Variants in MGAT4D observed in about 807,000 individuals in gnomAD.
MGAT4D encodes the protein MGAT4 family member D, also known as alpha-1,3-mannosyl-glycoprotein 4-beta-N-acetylglucosaminyltransferase-like protein MGAT4D.
Under a neutral mutation model 15.9 loss-of-function variants are expected in MGAT4D, and 34 were observed. That is an observed-to-expected ratio of 2.14 (90% CI 1.62 to 2.84). The LOEUF is 2.84. MGAT4D is among the 30% of genes most tolerant of loss of function. The pLI is 0.00. For synonymous variants in MGAT4D, 112 were observed against 48.2 expected (o/e 2.33, Z -5.49); for missense variants, 327 against 140.2 (o/e 2.33, Z -6.73).
At chr4:140,488,699 A>T (rs558812368) in intron 1 of MGAT4D, among the ~76,000 whole-genome samples, 14 of 152,344 alleles carry the variant, frequency 9.2e-5, no homozygotes, top group African/African-American at 3.4e-4. Context: ...TATGTGATAT[A>T]GTTTGAATAT....
rs1424157872 is a variant in MGAT4D at position 140,465,010 on chromosome 4, C to G, written c.573-1G>C. 2 of 699,748 alleles carry G rather than the reference C, an allele frequency of 2.9e-6. No homozygotes were observed. Among genetic ancestry groups the G allele is most frequent in the South Asian group, 1.5e-5 (1 of 66,784 alleles). 43.3% of individuals were successfully genotyped at this position (699,748 alleles called of 1,614,324 possible). A position where few individuals can be genotyped will look rare whatever the true frequency, so the allele number is the denominator to read the frequency against. ...TCCAGACCTCACTTGCCTTTTGAAT[C>G]TATAAATAGAAGTAAATGCAGACTT... On this transcript the variant is annotated splice_acceptor_variant, in intron 5 of 10. Transcript: ENST00000511113. LOFTEE classifies it high-confidence loss of function.
At chr4:140,475,660 C>CAAAA (rs1162390812) in intron 3 of MGAT4D, among the ~76,000 whole-genome samples, 8,796 of 52,430 alleles carry the variant, frequency 0.17, 385 homozygotes, top group East Asian at 0.17. Flanking sequence ...AATAAAACTG[C>CAAAA]AAAAAAAAAA....
Position 140,482,410 on chromosome 4 carries a change from T to A in MGAT4D, c.170A>T (p.Glu57Val), listed in dbSNP as rs769536684. The change falls in exon 2 of 11, where the codon GAA (glutamate) becomes GTA (valine). Residue 57 changes from glutamate (E) to valine (V), a missense_variant. Glu to Val is a moderately radical substitution (Grantham distance 121). Transcript: ENST00000511113. Reference sequence around the variant, plus strand: ...TTTCATCATCTCTTGGGTATTTTTTTCAGTTTTGTTTCTTAAGTGTAGCAT... The same window carrying A: ...TTTCATCATCTCTTGGGTATTTTTTACAGTTTTGTTTCTTAAGTGTAGCAT... ...ENMLHLRNKT[E>V]KNTQEMMKVL... 5.6e-4 allele frequency: 369 copies of A among 653,766 alleles called. 1 individual carries two copies. The highest frequency in any genetic ancestry group is 8.9e-4 in the Non-Finnish European group (328 of 366,814). The allele number at this position is 653,766 out of a possible 1,614,324, so 40.5% of individuals were successfully genotyped here.
intron 8 of MGAT4D, chr4:140,459,232 A>G (rs1280693725): frequency 5.7e-6 from 1 of 173,958 alleles, no homozygotes; most frequent in African/African-American, 2.3e-5. Flanking sequence ...TGTGTGCCAG[A>G]CTCACAGCAA....
intron 2 of MGAT4D, among the ~76,000 whole-genome samples, chr4:140,480,267 A>G (rs1411123607): frequency 1.3e-5 from 2 of 152,170 alleles, no homozygotes; most frequent in African/African-American, 4.8e-5. Context: ...AGGTGTTTGA[A>G]CACTTGGACA....
chr4:140,482,175 C>A (rs566850966), intron 2 of MGAT4D, among the ~76,000 whole-genome samples, 152 bp downstream of exon 2: 1 of 152,142 alleles, frequency 6.6e-6, no homozygotes, highest in South Asian at 2.1e-4. Flanking sequence ...AGAAGTAGGT[C>A]AGTGATATCT....
At chr4:140,493,872 T>C (rs1733665325) in intron 1 of MGAT4D, among the ~76,000 whole-genome samples, 1 of 152,146 alleles carries the variant, frequency 6.6e-6, no homozygotes, top group Admixed American at 6.5e-5. Context: ...CTCCTTTTGG[T>C]GATTCTTCCA....
chr4:140,481,346 TA>T (rs1560793192), intron 2 of MGAT4D, among the ~76,000 whole-genome samples: 1 of 152,122 alleles, frequency 6.6e-6, no homozygotes, highest in African/African-American at 2.4e-5. Context: ...TAAACTCTCA[TA>T]CATTGCTGGA....
In MGAT4D at chr4:140,498,250, C is replaced by T. The variant is rs1359992674; in HGVS notation, c.-28G>A. 2.9e-6 allele frequency: 2 copies of T among 701,224 alleles called. No homozygotes were observed. The highest frequency in any genetic ancestry group is 5.2e-6 in the Non-Finnish European group (2 of 384,050). 43.4% of individuals were successfully genotyped at this position (701,224 alleles called of 1,614,324 possible). A position where few individuals can be genotyped will look rare whatever the true frequency, so the allele number is the denominator to read the frequency against. On this transcript the variant is annotated 5_prime_UTR_variant, in exon 1 of 11. Transcript: ENST00000511113. ...CCCTGGCCAGGCTGCGGGAGGCCGG[C>T]GGGTGGAGGCGGCGGATAATGCCAG...
chr4:140,474,701 T>A lies in MGAT4D; in HGVS notation c.525+112A>T, dbSNP rs758559139. The A allele has an allele frequency of 1.2e-4, 52 of 427,244 alleles. No individual in the cohort carries two copies. The Admixed American group carries it at 1.6e-3, about 13-fold the overall frequency. The allele number at this position is 427,244 out of a possible 1,614,324, so 26.5% of individuals were successfully genotyped here. A position where few individuals can be genotyped will look rare whatever the true frequency, so the allele number is the denominator to read the frequency against. Reference sequence around the variant, plus strand: ...AAAAAAGGCATCTATGGGTAGCTTTTTAAAATTAAGAAAACAGTTTTCAAC... The same window carrying A: ...AAAAAAGGCATCTATGGGTAGCTTTATAAAATTAAGAAAACAGTTTTCAAC... On this transcript the variant is annotated intron_variant, in intron 4 of 10. Coordinates refer to ENST00000511113, the MANE Select transcript of MGAT4D (RefSeq NM_001277353.2).
chr4:140,453,744 T>G (rs989756167), intron 9 of MGAT4D, among the ~76,000 whole-genome samples: 1 of 152,106 alleles, frequency 6.6e-6, no homozygotes, highest in African/African-American at 2.4e-5. Context: ...TGCTGCCATG[T>G]AAGATGTCCC....
intron 5 of MGAT4D, among the ~76,000 whole-genome samples, chr4:140,466,693 G>C (rs1009028654): frequency 2.0e-5 from 3 of 152,078 alleles, no homozygotes; most frequent in African/African-American, 4.8e-5. Flanking sequence ...TGGAACAATT[G>C]TGATTTTTTT....
intron 1 of MGAT4D, among the ~76,000 whole-genome samples, chr4:140,493,248 C>T (rs754135272): frequency 9.9e-5 from 15 of 151,166 alleles, no homozygotes; most frequent in Non-Finnish European, 2.2e-4. Context: ...GATGATACTA[C>T]GGTACTCTCC....
chr4:140,467,767 C>A (rs1215944458), intron 5 of MGAT4D, among the ~76,000 whole-genome samples: 1 of 151,878 alleles, frequency 6.6e-6, no homozygotes, highest in African/African-American at 2.4e-5. Flanking sequence ...ATGATTTTAC[C>A]TTATAGTCAT....
chr4:140,494,465 T>C (rs1733707459), intron 1 of MGAT4D, among the ~76,000 whole-genome samples: 1 of 152,230 alleles, frequency 6.6e-6, no homozygotes, highest in Non-Finnish European at 1.5e-5. Context: ...ACTCCTTTTG[T>C]TCACTCCCTA....
rs937332057 is a variant in MGAT4D, at chr4:140,442,774, T to C, written c.*662A>G. 9 of 152,038 alleles carry C rather than the reference T, an allele frequency of 5.9e-5. No homozygotes were observed. Among genetic ancestry groups the C allele is most frequent in the Admixed American group, 2.0e-4 (3 of 15,262 alleles). 9.4% of individuals were successfully genotyped at this position (152,038 alleles called of 1,614,324 possible). ...AGTTCTATAACCACTATGCAAGTAA[T>C]TTAGAAATTAACAATAAAAGATGGA... On this transcript the variant is annotated 3_prime_UTR_variant, in exon 11 of 11. Transcript: ENST00000511113.
At chr4:140,443,946 T>C (rs1729928057) in intron 10 of MGAT4D, among the ~76,000 whole-genome samples, 1 of 152,122 alleles carries the variant, frequency 6.6e-6, no homozygotes, top group African/African-American at 2.4e-5. Flanking sequence ...CTACATATCA[T>C]ATGAAATGAG....
At chr4:140,448,593 T>C (rs1730279823) in intron 10 of MGAT4D, among the ~76,000 whole-genome samples, 1 of 152,230 alleles carries the variant, frequency 6.6e-6, no homozygotes. Flanking sequence ...ATCTGTCAGC[T>C]CCTGTATTGT....
chr4:140,495,311 A>T (rs145791640), intron 1 of MGAT4D, among the ~76,000 whole-genome samples: 3 of 152,226 alleles, frequency 2.0e-5, no homozygotes, highest in Admixed American at 1.3e-4. Context: ...CCTTTAAAAC[A>T]GCACTTTCCT....
Sources: gnomAD v4.1 joint callset for allele counts (sites outside exome capture counted in the v4.1 genomes callset) on GRCh38, gnomAD v4.1.1 for gene constraint, MANE v1.5 for transcripts, NCBI Gene and HGNC (gene_info 2026-07-23, HGNC 2026-07-21) for gene names.